RFTN2: variants seen among roughly 807,000 people sequenced by gnomAD.
The protein encoded by RFTN2 is raftlin-2.
A neutral mutation model predicts 52.7 loss-of-function variants in RFTN2; 34 were observed. The observed-to-expected ratio is 0.64, with a 90% CI of 0.49 to 0.86. The LOEUF (loss-of-function observed/expected upper bound fraction) is 0.86. Ranked by LOEUF, RFTN2 falls within the 40% of genes least tolerant of loss-of-function variation. The pLI is 0.00. For missense variants in RFTN2, 536 were observed against 600.1 expected, an observed-to-expected ratio of 0.89 and a Z score of 1.12; for synonymous variants, 203 against 217.7, an observed-to-expected ratio of 0.93 and a Z score of 0.59.
chr2:197,670,141 T>C (rs958219265), intron 1 of RFTN2, among the ~76,000 whole-genome samples: 3 of 152,218 alleles, frequency 2.0e-5, no homozygotes, highest in Non-Finnish European at 4.4e-5. Flanking sequence ...TGTTTTGTTA[T>C]ATATTGTCTA....
At chr2:197,588,640 G>A (rs1230182801) in intron 8 of RFTN2, among the ~76,000 whole-genome samples, 2 of 152,256 alleles carry the variant, frequency 1.3e-5, no homozygotes, top group African/African-American at 4.8e-5. Flanking sequence ...AAATACTTGT[G>A]TGTAGGTTTC....
chr2:197,639,497 C>G (rs1327399228), intron 3 of RFTN2, among the ~76,000 whole-genome samples: 205 of 146,808 alleles, frequency 1.4e-3, no homozygotes, highest in African/African-American at 5.0e-3. Context: ...ATTTCATCTT[C>G]CATTGCTGAT....
At chr2:197,630,874 G>A in intron 5 of RFTN2, 137 bp downstream of exon 5, 1 of 665,918 alleles carries the variant, frequency 1.5e-6, no homozygotes, top group Non-Finnish European at 2.6e-6. Context: ...ACATATCTGT[G>A]TAACAGCTGG....
At chr2:197,618,221 G>C (rs934951002) in intron 5 of RFTN2, among the ~76,000 whole-genome samples, 2 of 151,864 alleles carry the variant, frequency 1.3e-5, no homozygotes, top group Non-Finnish European at 2.9e-5. Context: ...GAGTGCCTGC[G>C]ATTGCAGGCG....
chr2:197,635,190 T>G (rs1272933246), intron 3 of RFTN2, among the ~76,000 whole-genome samples: 6 of 152,198 alleles, frequency 3.9e-5, no homozygotes, highest in African/African-American at 1.4e-4. Flanking sequence ...AATGCCGCAA[T>G]AAACATACTT....
chr2:197,644,089 A>C, intron 3 of RFTN2, 69 bp downstream of exon 3: 1 of 910,726 alleles, frequency 1.1e-6, no homozygotes. Flanking sequence ...AGGGTAAAAA[A>C]GGGAATTGAT....
At chr2:197,597,833 T>C (rs965817093) in intron 7 of RFTN2, among the ~76,000 whole-genome samples, 4 of 152,170 alleles carry the variant, frequency 2.6e-5, no homozygotes, top group African/African-American at 7.2e-5. Context: ...GATTTTTTTC[T>C]ATCAGGGACC....
chr2:197,653,119 G>T (rs1389664845), intron 1 of RFTN2, among the ~76,000 whole-genome samples: 2 of 152,122 alleles, frequency 1.3e-5, no homozygotes, highest in Admixed American at 1.3e-4. Context: ...CCCCACAAGG[G>T]CAGGATGAAA....
At chr2:197,607,893 C>T (rs2087987740) in intron 7 of RFTN2, among the ~76,000 whole-genome samples, 1 of 152,058 alleles carries the variant, frequency 6.6e-6, no homozygotes, top group Non-Finnish European at 1.5e-5. Flanking sequence ...TGAGAAAGAG[C>T]GATGGTAACT....
rs945215197 is a variant in RFTN2 at position 197,636,303 on chromosome 2, G to A, written c.439-2306C>T. ...AGGCATTGGTAGCTTTATGGGGATG[G>A]CATTGAATCTGTAAATTACCTTGGG... On this transcript the variant is annotated intron_variant, in intron 3 of 8. Transcript: ENST00000295049. Among the ~76,000 whole-genome samples, 13 of 131,642 alleles carry A rather than the reference G, an allele frequency of 9.9e-5. 2 individuals are homozygous for A. The highest frequency in any genetic ancestry group is 9.2e-4 in the Admixed American group (12 of 13,074). The allele number at this position is 131,642 out of a possible 152,430, so 86.4% of individuals were successfully genotyped here. A position where few individuals can be genotyped will look rare whatever the true frequency, so the allele number is the denominator to read the frequency against.
intron 1 of RFTN2, among the ~76,000 whole-genome samples, chr2:197,659,173 C>T (rs1463911234): frequency 1.3e-5 from 2 of 152,100 alleles, no homozygotes; most frequent in East Asian, 3.9e-4. Context: ...CACCAATTTA[C>T]CTCTGATGAC....
chr2:197,603,278 G>C (rs1235551286), intron 7 of RFTN2, among the ~76,000 whole-genome samples: 1 of 152,126 alleles, frequency 6.6e-6, no homozygotes, highest in Non-Finnish European at 1.5e-5. Context: ...AATGAAGGGA[G>C]AGATTTCTTA....
At chr2:197,613,433 A>T (rs1417549806) in intron 7 of RFTN2, among the ~76,000 whole-genome samples, 1 of 152,236 alleles carries the variant, frequency 6.6e-6, no homozygotes, top group African/African-American at 2.4e-5. Context: ...AGCTATAATT[A>T]AAACAAGATC....
rs1574720163 is a variant in RFTN2 at position 197,626,836 on chromosome 2, T to C, written c.928+4175A>G. 2.6e-5 allele frequency among the ~76,000 whole-genome samples: 4 copies of C among 151,988 alleles called. No individual in the cohort carries two copies. In the South Asian group the frequency reaches 8.3e-4, roughly 32 times the overall value. ...GGTTTCACTACGTTGGCCAGGCTGG[T>C]CTCAAACTCCTGACCTCGTAATCCG... On this transcript the variant is annotated intron_variant, in intron 5 of 8. Transcript: ENST00000295049.
intron 8 of RFTN2, among the ~76,000 whole-genome samples, chr2:197,572,796 C>T (rs2087340942): frequency 6.8e-6 from 1 of 146,752 alleles, no homozygotes; most frequent in Admixed American, 6.8e-5. Context: ...CCATATTTCC[C>T]ATGTGTTGTG....
rs564921549 is a variant in RFTN2, at chr2:197,627,724, C to T, written c.928+3287G>A. ...TTGGAGGCTGGGGAAGTGTAGGAACCTCGAGGCTAATTGTGTGTGTGTCCC... is the reference window on the plus strand; with the variant it reads ...TTGGAGGCTGGGGAAGTGTAGGAACTTCGAGGCTAATTGTGTGTGTGTCCC... On this transcript the variant is annotated intron_variant, in intron 5 of 8. Coordinates refer to ENST00000295049, the MANE Select transcript of RFTN2 (RefSeq NM_144629.3). Among the ~76,000 whole-genome samples, 33 of 152,134 alleles carry T rather than the reference C, an allele frequency of 2.2e-4. No homozygotes were observed. In the South Asian group the frequency reaches 6.4e-3, roughly 30 times the overall value.
intron 1 of RFTN2, among the ~76,000 whole-genome samples, chr2:197,660,359 C>T (rs190106750): frequency 6.6e-5 from 10 of 152,124 alleles, no homozygotes; most frequent in African/African-American, 2.4e-4. Flanking sequence ...TAAATAACAT[C>T]AAATTATTAT....
At chr2:197,612,658 T>G (rs2088082028) in intron 7 of RFTN2, among the ~76,000 whole-genome samples, 1 of 152,214 alleles carries the variant, frequency 6.6e-6, no homozygotes, top group African/African-American at 2.4e-5. Flanking sequence ...CAACAATAAC[T>G]CTGGAATAAT....
chr2:197,606,859 G>T lies in RFTN2; in HGVS notation c.1154+9017C>A, dbSNP rs532426641. 2.0e-5 allele frequency among the ~76,000 whole-genome samples: 3 copies of T among 152,056 alleles called. No individual in the cohort carries two copies. In the East Asian group the frequency reaches 5.8e-4, roughly 29 times the overall value. The stretch of plus-strand genomic sequence containing the variant: ...GTGCTGGAGAGGATGTGGAGAAATA[G>T]GAACACTTTTACACTGTTGGTGGGA... On this transcript the variant is annotated intron_variant, in intron 7 of 8. Transcript: ENST00000295049.
Sources: gnomAD v4.1 joint callset for allele counts (sites outside exome capture counted in the v4.1 genomes callset) on GRCh38, gnomAD v4.1.1 for gene constraint, MANE v1.5 for transcripts, NCBI Gene and HGNC (gene_info 2026-07-23, HGNC 2026-07-21) for gene names.